PGR: variants seen among roughly 807,000 people sequenced by gnomAD.
PGR encodes progesterone receptor, also known as nuclear receptor subfamily 3 group C member 3.
Under a neutral mutation model 76.1 loss-of-function variants are expected in PGR, and 25 were observed. That is an observed-to-expected ratio of 0.33 (90% confidence interval 0.24 to 0.46). PGR has a LOEUF of 0.46. Ranked by LOEUF, PGR falls within the 20% of genes least tolerant of loss-of-function variation. The pLI is 1.00. For missense variants in PGR, 1,172 were observed against 1,225.3 expected (o/e 0.96, Z 0.65); for synonymous variants, 579 against 535.0 (o/e 1.08, Z -1.14).
At chr11:101,110,055 A>G (rs958173966) in intron 2 of PGR, among the ~76,000 whole-genome samples, 1 of 152,258 alleles carries the variant, frequency 6.6e-6, no homozygotes, top group Non-Finnish European at 1.5e-5. Context: ...CTTTAAGCCC[A>G]CTGTTGAGAC....
At chr11:101,104,791 T>A (rs923461830) in intron 2 of PGR, among the ~76,000 whole-genome samples, 1 of 151,590 alleles carries the variant, frequency 6.6e-6, no homozygotes, top group Non-Finnish European at 1.5e-5. Context: ...TTTTCTTTTC[T>A]TTTTTTTTCA....
At chr11:101,046,117 A>T (rs77890541) in intron 6 of PGR, among the ~76,000 whole-genome samples, 1 of 77,250 alleles carries the variant, frequency 1.3e-5, no homozygotes, top group African/African-American at 6.6e-5. Flanking sequence ...ATTTATTTTT[A>T]TTTATTTATT....
At chr11:101,088,022 C>T (rs1316824785) in intron 3 of PGR, among the ~76,000 whole-genome samples, 28 of 144,088 alleles carry the variant, frequency 1.9e-4, no homozygotes, top group African/African-American at 5.3e-5. Flanking sequence ...GAGACCTTAT[C>T]GTTACAAAAA....
rs1859293627 is a variant in PGR at position 101,029,781 on chromosome 11, T to C, written c.*9335A>G. 1 of 218,894 alleles carries C rather than the reference T, an allele frequency of 4.6e-6. No individual in the cohort carries two copies. Among genetic ancestry groups the C allele is most frequent in the Non-Finnish European group, 9.2e-6 (1 of 109,132 alleles). 13.6% of individuals were successfully genotyped at this position (218,894 alleles called of 1,614,324 possible). ...TCAAGCTGAGTAGACTGTTTTCTTA[T>C]GTGAACCACAAAATATTTTCTCTGA... On this transcript the variant is annotated 3_prime_UTR_variant, in exon 8 of 8. Transcript: ENST00000325455.
chr11:101,112,239 G>T (rs1011889757), intron 2 of PGR, among the ~76,000 whole-genome samples: 13 of 152,162 alleles, frequency 8.5e-5, no homozygotes, highest in African/African-American at 2.9e-4. Context: ...AAAAATGATT[G>T]GTGGCTGAAG....
At chr11:101,079,655 GT>G (rs1861236592) in intron 3 of PGR, among the ~76,000 whole-genome samples, 2 of 152,306 alleles carry the variant, frequency 1.3e-5, no homozygotes, top group South Asian at 4.1e-4. Flanking sequence ...CTCGTACACT[GT>G]TGGTAGTAAT....
At chr11:101,042,249 T>C (rs1859716685) in intron 6 of PGR, 147 bp from the exon 7 acceptor site, 2 of 701,480 alleles carry the variant, frequency 2.9e-6, no homozygotes, top group Non-Finnish European at 4.8e-6. Flanking sequence ...GATAGTGTTA[T>C]TGATATCACT....
chr11:101,090,183 G>C (rs1310239752), intron 3 of PGR, among the ~76,000 whole-genome samples: 4 of 150,176 alleles, frequency 2.7e-5, no homozygotes, highest in Non-Finnish European at 5.9e-5. Flanking sequence ...GGGCGACAGA[G>C]TGAGACTCTG....
At chr11:101,121,854 CAATT>C (rs2135503207) in intron 2 of PGR, among the ~76,000 whole-genome samples, 1 of 152,244 alleles carries the variant, frequency 6.6e-6, no homozygotes, top group East Asian at 1.9e-4. Flanking sequence ...ACTTCATGAA[CAATT>C]AATATATGAA....
intron 2 of PGR, among the ~76,000 whole-genome samples, chr11:101,098,503 G>A (rs1377439385): frequency 6.6e-5 from 10 of 152,108 alleles, no homozygotes. Context: ...CCATATGAGG[G>A]CAATCTTTCT....
At position 101,091,873 on chromosome 11, in the gene PGR, T is replaced by C; in HGVS notation, c.1793A>G (p.Gln598Arg). 6.4e-7 allele frequency: 1 copy of C among 1,574,400 alleles called. No individual in the cohort carries two copies. The highest frequency in any genetic ancestry group is 8.7e-7 in the Non-Finnish European group (1 of 1,144,296). The change falls in exon 3 of 8, where the codon CAG (glutamine) becomes CGG (arginine). Residue 598 changes from glutamine to arginine, a missense_variant. Physicochemically the swap from Gln to Arg is conservative, Grantham distance 43. Transcript: ENST00000325455. ...KVFFKRAMEG[Q>R]HNYLCAGRND... The stretch of plus-strand genomic sequence containing the variant: ...TCTTCCAGCACATAAGTAGTTGTGC[T>C]GCCCTAAAAAAACAAAATGAGTCAA...
Position 101,032,128 on chromosome 11 carries a change from T to C in PGR, c.*6988A>G. 4.3e-6 allele frequency: 1 copy of C among 232,938 alleles called. No individual in the cohort carries two copies. The highest frequency in any genetic ancestry group is 8.5e-6 in the Non-Finnish European group (1 of 117,826). The allele number at this position is 232,938 out of a possible 1,614,324, so 14.4% of individuals were successfully genotyped here. A position where few individuals can be genotyped will look rare whatever the true frequency, so the allele number is the denominator to read the frequency against. On this transcript the variant is annotated 3_prime_UTR_variant, in exon 8 of 8. Transcript: ENST00000325455. ...AGCAAAATAATTAGACATCTGGCCT[T>C]GTGTTTGACAATTTATATGGTGTAT...
Position 101,064,346 on chromosome 11 carries a change from A to C in PGR, c.1907-1594T>G, listed in dbSNP as rs77523828. On this transcript the variant is annotated intron_variant, in intron 3 of 7. Transcript: ENST00000325455. ...AACTCCACCTCAAAAAAAAAAAAAA[A>C]AAAAAAAAAAAAAAAAAAAAAAAAA... 8.7e-3 allele frequency among the ~76,000 whole-genome samples: 943 copies of C among 108,480 alleles called. 2 individuals carry two copies. Among genetic ancestry groups the C allele is most frequent in the East Asian group, 0.068 (87 of 1,288 alleles). The allele number at this position is 108,480 out of a possible 152,430, so 71.2% of individuals were successfully genotyped here.
In PGR at chr11:101,089,206, G is replaced by A. The variant is rs573949979; in HGVS notation, c.1906+2554C>T. On this transcript the variant is annotated intron_variant, in intron 3 of 7. Transcript: ENST00000325455. ...AAGCTGAAAAAATAAATAGAGCTGC[G>A]ATAGCTGGAAAAAAATGGTCTAATA... Among the ~76,000 whole-genome samples the A allele has an allele frequency of 4.7e-4, 72 of 151,616 alleles. 1 individual carries two copies. The South Asian group carries it at 0.015, about 31-fold the overall frequency.
chr11:101,036,262 G>GA lies in PGR; in HGVS notation c.*2853dup, dbSNP rs1228195224. ...AATAAATTATCTTAATGTTAAATGG[G>GA]AAAAAATAGCATAGCATTGCCTTAT... On this transcript the variant is annotated 3_prime_UTR_variant, in exon 8 of 8. Coordinates refer to ENST00000325455, the MANE Select transcript of PGR (RefSeq NM_000926.4). 1 of 221,606 alleles carries GA rather than the reference G, an allele frequency of 4.5e-6. No individual in the cohort carries two copies. The highest frequency in any genetic ancestry group is 9.0e-6 in the Non-Finnish European group (1 of 110,864). The allele number at this position is 221,606 out of a possible 1,614,324, so 13.7% of individuals were successfully genotyped here.
chr11:101,039,143 C>T lies in PGR; in HGVS notation c.2775G>A (p.Val925=), dbSNP rs762373661. Residue 925 remains valine (V), a synonymous_variant, in exon 8 of 8, where the codon GTG becomes GTA. Transcript: ENST00000325455. ...ACTTTTTATGAAAGAGAAGGGGTTTCACCATCCCTGCCAATATCTTGGGTA... is the reference window on the plus strand; with the variant it reads ...ACTTTTTATGAAAGAGAAGGGGTTTTACCATCCCTGCCAATATCTTGGGTA... ...AQLPKILAGM[V]KPLLFHKK The T allele has an allele frequency of 1.2e-6, 2 of 1,611,744 alleles. No homozygotes were observed. Among genetic ancestry groups the T allele is most frequent in the South Asian group, 2.2e-5 (2 of 91,024 alleles).
intron 6 of PGR, among the ~76,000 whole-genome samples, chr11:101,046,037 A>T: frequency 6.6e-6 from 1 of 152,010 alleles, no homozygotes. Context: ...TCAGCTGTAA[A>T]CATGAATGTA....
At chr11:101,094,510 T>C (rs1283471435) in intron 2 of PGR, among the ~76,000 whole-genome samples, 1 of 152,194 alleles carries the variant, frequency 6.6e-6, no homozygotes, top group African/African-American at 2.4e-5. Flanking sequence ...TTATATGTGG[T>C]GTGCCACTGC....
intron 2 of PGR, among the ~76,000 whole-genome samples, chr11:101,100,600 T>G (rs1470811011): frequency 1.6e-5 from 2 of 128,984 alleles, no homozygotes; most frequent in Non-Finnish European, 3.4e-5. Context: ...ACTAGTATTT[T>G]GAATCCACAC....
Sources: gnomAD v4.1 joint callset for allele counts (sites outside exome capture counted in the v4.1 genomes callset) on GRCh38, gnomAD v4.1.1 for gene constraint, MANE v1.5 for transcripts, NCBI Gene and HGNC (gene_info 2026-07-23, HGNC 2026-07-21) for gene names.